The following NXPE2 variants were observed in gnomAD, a reference collection of about 807,000 sequenced individuals.
NXPE2 encodes NXPE family member 2.
A neutral mutation model predicts 34.4 loss-of-function variants in NXPE2; 34 were observed. That is an observed-to-expected ratio of 0.99 (90% confidence interval 0.75 to 1.31). The LOEUF is 1.31. Among genes scored for constraint, NXPE2 ranks in the 40% most tolerant of loss-of-function variants. The pLI, the probability that NXPE2 is intolerant of heterozygous loss-of-function variation, is 0.00. For missense variants in NXPE2, 649 were observed against 672.5 expected (o/e 0.97, Z 0.39); for synonymous variants, 235 against 231.3 (o/e 1.02, Z -0.15).
the NXPE2 span, among the ~76,000 whole-genome samples, chr11:114,534,021 TG>T: frequency 3.3e-5 from 5 of 152,186 alleles, no homozygotes; most frequent in African/African-American, 1.2e-4. Context: ...GTAGCCTAAC[TG>T]GGAGGCACCC....
chr11:114,569,405 C>G, the NXPE2 span, among the ~76,000 whole-genome samples: 1 of 152,098 alleles, frequency 6.6e-6, no homozygotes. Context: ...AGCTTTCAGA[C>G]AATAGTGGCT....
chr11:114,685,306 A>G (rs774527826), intron 2 of NXPE2, among the ~76,000 whole-genome samples: 4 of 152,208 alleles, frequency 2.6e-5, no homozygotes, highest in Non-Finnish European at 5.9e-5. Context: ...TGCAAAGTCC[A>G]AGATCAAGGC....
intron 2 of NXPE2, among the ~76,000 whole-genome samples, chr11:114,692,235 G>A (rs1202217186): frequency 6.6e-6 from 1 of 152,208 alleles, no homozygotes; most frequent in African/African-American, 2.4e-5. Flanking sequence ...GGCTGAAGAG[G>A]ATGGGGTCCC....
At chr11:114,469,880 ATCT>A in the NXPE2 span, among the ~76,000 whole-genome samples, 202 of 152,238 alleles carry the variant, frequency 1.3e-3, no homozygotes, top group African/African-American at 4.6e-3. Flanking sequence ...TCAACCAGTA[ATCT>A]TCTTTCTGTC....
chr11:114,485,510 G>A, the NXPE2 span, among the ~76,000 whole-genome samples: 7 of 150,868 alleles, frequency 4.6e-5, no homozygotes, highest in African/African-American at 1.2e-4. Context: ...GATTACAGGC[G>A]TGAACCACCA....
At chr11:114,662,195 G>A in the NXPE2 span, among the ~76,000 whole-genome samples, 1 of 151,796 alleles carries the variant, frequency 6.6e-6, no homozygotes, top group East Asian at 1.9e-4. Context: ...CCCAGCATTG[G>A]TGACATAGTG....
the NXPE2 span, chr11:114,552,904 A>T: frequency 1.0e-6 from 1 of 952,936 alleles, no homozygotes; most frequent in Admixed American, 6.2e-5. Context: ...GAAGCAGCAA[A>T]ATTAATGAAA....
the NXPE2 span, chr11:114,580,429 GA>G: frequency 3.8e-6 from 4 of 1,056,434 alleles, no homozygotes; most frequent in South Asian, 2.6e-5. Flanking sequence ...AGTATCCTAA[GA>G]GGGGGTAAGG....
At chr11:114,537,460 G>A in the NXPE2 span, among the ~76,000 whole-genome samples, 31 of 152,244 alleles carry the variant, frequency 2.0e-4, no homozygotes, top group South Asian at 3.3e-3. Flanking sequence ...GGGATAAAGG[G>A]CATTCAATTA....
chr11:114,557,941 A>G, the NXPE2 span, among the ~76,000 whole-genome samples: 4 of 151,990 alleles, frequency 2.6e-5, no homozygotes, highest in South Asian at 8.3e-4. Context: ...TAAAAGCATC[A>G]GCACTTTGAA....
chr11:114,618,706 G>A, the NXPE2 span, among the ~76,000 whole-genome samples: 14 of 152,054 alleles, frequency 9.2e-5, no homozygotes, highest in East Asian at 3.9e-4. Context: ...GTGCTGTGTC[G>A]TGGGTAACAA....
downstream of NXPE2, among the ~76,000 whole-genome samples, chr11:114,709,007 T>A (rs1859561807): frequency 6.6e-6 from 1 of 152,160 alleles, no homozygotes; most frequent in South Asian, 2.1e-4. Flanking sequence ...CCTCAACAAA[T>A]TGAATGTTTT....
the NXPE2 span, chr11:114,584,210 C>A: frequency 2.7e-6 from 1 of 376,100 alleles, no homozygotes. Flanking sequence ...AGAGCTGTGG[C>A]TCTGGATATG....
intron 3 of NXPE2, among the ~76,000 whole-genome samples, chr11:114,699,149 G>A (rs1951319092): frequency 6.6e-6 from 1 of 152,130 alleles, no homozygotes; most frequent in African/African-American, 2.4e-5. Flanking sequence ...TGATATCATT[G>A]TTCAGTCGAG....
At chr11:114,769,798 C>T in the NXPE2 span, among the ~76,000 whole-genome samples, 8 of 152,132 alleles carry the variant, frequency 5.3e-5, no homozygotes, top group African/African-American at 1.9e-4. Flanking sequence ...GAACATCACC[C>T]TCTGGGGCCT....
the NXPE2 span, among the ~76,000 whole-genome samples, chr11:114,481,025 C>T: frequency 1.3e-5 from 2 of 152,192 alleles, no homozygotes; most frequent in South Asian, 2.1e-4. Flanking sequence ...TTGGATTTGT[C>T]GAGGTCCCGT....
the NXPE2 span, among the ~76,000 whole-genome samples, chr11:114,483,371 C>G: frequency 3.6e-4 from 55 of 152,262 alleles, no homozygotes; most frequent in African/African-American, 1.3e-3. Flanking sequence ...CAAATCTTAG[C>G]TCTGTCACTT....
At chr11:114,655,781 G>C in the NXPE2 span, among the ~76,000 whole-genome samples, 3 of 152,078 alleles carry the variant, frequency 2.0e-5, no homozygotes, top group Admixed American at 1.3e-4. Context: ...AACAAACTAG[G>C]TATTGATGGA....
the NXPE2 span, among the ~76,000 whole-genome samples, chr11:114,628,836 G>A: frequency 3.0e-4 from 45 of 151,588 alleles, no homozygotes; most frequent in African/African-American, 1.1e-3. Flanking sequence ...ATGATAAAGG[G>A]GATATCACCA....
Sources: gnomAD v4.1 joint callset for allele counts (sites outside exome capture counted in the v4.1 genomes callset) on GRCh38, gnomAD v4.1.1 for gene constraint, MANE v1.5 for transcripts, NCBI Gene and HGNC (gene_info 2026-07-23, HGNC 2026-07-21) for gene names.